The following TTC6 variants were observed in gnomAD, a reference collection of about 807,000 sequenced individuals.
TTC6 encodes tetratricopeptide repeat domain 6.
A neutral mutation model predicts 210.4 loss-of-function variants in TTC6; 172 were observed. The ratio of observed to expected loss-of-function variants is 0.82; its 90% CI spans 0.72 to 0.93. The LOEUF (loss-of-function observed/expected upper bound fraction) is 0.93, where lower values mean the gene tolerates loss of function less well. Ranked by LOEUF, TTC6 falls within the 40% of genes least tolerant of loss-of-function variation. The pLI, the probability that TTC6 is intolerant of heterozygous loss-of-function variation, is 0.00. For synonymous variants in TTC6, 804 were observed against 819.6 expected, an observed-to-expected ratio of 0.98 and a Z score of 0.32; for missense variants, 2,414 against 2,318.1, an observed-to-expected ratio of 1.04 and a Z score of -0.85.
chr14:37,606,007 C>T (rs1342553901), intron 1 of TTC6, among the ~76,000 whole-genome samples: 2 of 151,920 alleles, frequency 1.3e-5, no homozygotes, highest in Non-Finnish European at 2.9e-5. Context: ...AGAGTGGTAG[C>T]TGACTTCCCA....
At chr14:37,781,818 G>A (rs999289193) in intron 14 of TTC6, among the ~76,000 whole-genome samples, 5 of 152,248 alleles carry the variant, frequency 3.3e-5, no homozygotes, top group South Asian at 4.1e-4. Context: ...GTGTAAGGAA[G>A]GGATCCAGTT....
chr14:37,692,462 T>C (rs1595112774), intron 3 of TTC6, among the ~76,000 whole-genome samples: 1 of 152,060 alleles, frequency 6.6e-6, no homozygotes, highest in Non-Finnish European at 1.5e-5. Flanking sequence ...ATCATTTCAA[T>C]TGATGCTTAA....
At chr14:37,700,182 G>C (rs2095822215) in intron 4 of TTC6, among the ~76,000 whole-genome samples, 1 of 152,142 alleles carries the variant, frequency 6.6e-6, no homozygotes, top group South Asian at 2.1e-4. Context: ...GGTAGGGATG[G>C]AGTACTTCTG....
At chr14:37,754,729 G>A (rs996889664) in intron 14 of TTC6, among the ~76,000 whole-genome samples, 17 of 152,154 alleles carry the variant, frequency 1.1e-4, no homozygotes, top group South Asian at 6.2e-4. Flanking sequence ...CACCATGCCC[G>A]GACTGGACTC....
rs57506038 is a variant in TTC6 at position 37,695,040 on chromosome 14, CAAA to C, written c.1258-1655_1258-1653del. The stretch of plus-strand genomic sequence containing the variant: ...TGGGCTACAGATTGAGGCCCTGTCT[CAAA>C]AAAAAAAAAAAAAAAAAAAAAGACA... On this transcript the variant is annotated intron_variant, in intron 3 of 30. Coordinates refer to ENST00000553443, the Ensembl canonical transcript of TTC6. Among the ~76,000 whole-genome samples, 278 of 57,262 alleles carry C rather than the reference CAAA, an allele frequency of 4.9e-3. 1 individual carries two copies. The highest frequency in any genetic ancestry group is 0.017 in the African/African-American group (254 of 15,028). 37.6% of individuals were successfully genotyped at this position (57,262 alleles called of 152,430 possible). A position where few individuals can be genotyped will look rare whatever the true frequency, so the allele number is the denominator to read the frequency against.
At chr14:37,685,738 C>T (rs962668081) in intron 3 of TTC6, among the ~76,000 whole-genome samples, 2 of 152,096 alleles carry the variant, frequency 1.3e-5, no homozygotes, top group African/African-American at 2.4e-5. Flanking sequence ...TGCTGGATGG[C>T]TCAGATAGAT....
In TTC6 at chr14:37,794,477, T is replaced by C. The variant is rs147928894; in HGVS notation, c.3709-793T>C. Among the ~76,000 whole-genome samples, 196 of 152,278 alleles carry C rather than the reference T, an allele frequency of 1.3e-3. 1 individual carries two copies. In the East Asian group the frequency reaches 0.027, roughly 21 times the overall value. ...TTGCTCTGGTCTGTAGAGTGCTCTT[T>C]TGGTAATATTTTCAATGATAGTTGA... is the stretch of plus-strand genomic sequence containing the variant. On this transcript the variant is annotated intron_variant, in intron 17 of 30. Transcript: ENST00000553443.
intron 14 of TTC6, among the ~76,000 whole-genome samples, chr14:37,778,216 G>A (rs1555398523): frequency 1.3e-5 from 2 of 152,172 alleles, no homozygotes; most frequent in African/African-American, 2.4e-5. Context: ...GGCAGCGTTA[G>A]GGGTGACAGG....
At chr14:37,770,936 TGGTACC>T (rs2096016274) in intron 14 of TTC6, among the ~76,000 whole-genome samples, 1 of 141,438 alleles carries the variant, frequency 7.1e-6, no homozygotes, top group Non-Finnish European at 1.5e-5. Flanking sequence ...TTGCAGCGGC[TGGTACC>T]GGTTGTTCCT....
chr14:37,819,098 A>C (rs1253586772), intron 26 of TTC6, among the ~76,000 whole-genome samples: 1 of 152,348 alleles, frequency 6.6e-6, no homozygotes, highest in South Asian at 2.1e-4. Context: ...ACCAATTTTC[A>C]TAACCCAACT....
intron 8 of TTC6, among the ~76,000 whole-genome samples, chr14:37,737,228 TA>T (rs2095904146): frequency 6.6e-6 from 1 of 152,116 alleles, no homozygotes; most frequent in Admixed American, 6.5e-5. Flanking sequence ...TTTCCTGAAC[TA>T]AAAGGTTGAG....
intron 11 of TTC6, 107 bp from the exon 14 acceptor site, chr14:37,749,607 A>G: frequency 2.9e-6 from 3 of 1,027,248 alleles, no homozygotes; most frequent in Non-Finnish European, 2.6e-6. Context: ...ATTTTATGTT[A>G]CGTACATACA....
In TTC6 at chr14:37,676,036, T is replaced by C. The variant is rs17106920; in HGVS notation, c.940-4115T>C. Among the ~76,000 whole-genome samples the C allele has an allele frequency of 3.3e-3, 504 of 151,670 alleles. 8 individuals are homozygous for C. The highest frequency in any genetic ancestry group is 0.011 in the African/African-American group (450 of 41,506). On this transcript the variant is annotated intron_variant, in intron 1 of 30. Transcript: ENST00000553443. ...AGTGCTGTGACTTCCAGAATATTCTTGTTGTATGTTAGTGTCAAAACTCTT... is the reference window on the plus strand; with the variant it reads ...AGTGCTGTGACTTCCAGAATATTCTCGTTGTATGTTAGTGTCAAAACTCTT...
intron 14 of TTC6, among the ~76,000 whole-genome samples, chr14:37,756,220 G>A (rs2095967166): frequency 6.6e-6 from 1 of 152,222 alleles, no homozygotes; most frequent in South Asian, 2.1e-4. Context: ...GACTGCTGAA[G>A]TTGCTTATCA....
chr14:37,811,583 A>G (rs1951644), intron 24 of TTC6, among the ~76,000 whole-genome samples: 2,558 of 152,316 alleles, frequency 0.017, 79 homozygotes, highest in African/African-American at 0.058. Context: ...TTCAGCTCCA[A>G]CCCAAGTTTA....
intron 1 of TTC6, among the ~76,000 whole-genome samples, chr14:37,648,978 C>G (rs929573266): frequency 6.7e-6 from 1 of 149,406 alleles, no homozygotes; most frequent in African/African-American, 2.5e-5. Context: ...GTTTATTTAT[C>G]TACAATTTGG....
At chr14:37,772,374 TG>T (rs2096022148) in intron 14 of TTC6, 1 of 164,816 alleles carries the variant, frequency 6.1e-6, no homozygotes, top group South Asian at 1.9e-4. Context: ...TAAGTAAGCC[TG>T]GGCAATGGTG....
At chr14:37,642,171 G>A (rs2139387695) in intron 1 of TTC6, among the ~76,000 whole-genome samples, 1 of 152,254 alleles carries the variant, frequency 6.6e-6, no homozygotes, top group South Asian at 2.1e-4. Context: ...GTGCTTTGAT[G>A]GTCCCATAGC....
intron 14 of TTC6, among the ~76,000 whole-genome samples, chr14:37,786,774 C>G (rs531194757): frequency 6.6e-6 from 1 of 152,314 alleles, no homozygotes; most frequent in South Asian, 2.1e-4. Context: ...GAACCTCCCA[C>G]TATTTTTATT....
Sources: gnomAD v4.1 joint callset for allele counts (sites outside exome capture counted in the v4.1 genomes callset) on GRCh38, gnomAD v4.1.1 for gene constraint, MANE v1.5 for transcripts, NCBI Gene and HGNC (gene_info 2026-07-23, HGNC 2026-07-21) for gene names.